Variants in C7orf33 observed in about 807,000 individuals in gnomAD.
C7orf33 encodes the protein uncharacterized protein C7orf33.
A neutral mutation model predicts 13.4 loss-of-function variants in C7orf33; 15 were observed. That is an observed-to-expected ratio of 1.12 (90% CI 0.75 to 1.72). The LOEUF (loss-of-function observed/expected upper bound fraction) is 1.72, where lower values mean the gene tolerates loss of function less well. Among genes scored for constraint, C7orf33 ranks in the 40% most tolerant of loss-of-function variants. C7orf33 has a pLI of 0.00. For missense variants in C7orf33, 187 were observed against 220.3 expected (o/e 0.85, Z 0.96); for synonymous variants, 73 against 83.2 (o/e 0.88, Z 0.67).
chr7:148,597,286 T>A (rs1421605079), intron 1 of C7orf33, among the ~76,000 whole-genome samples: 2 of 152,036 alleles, frequency 1.3e-5, no homozygotes, highest in Non-Finnish European at 2.9e-5. Flanking sequence ...TTATTTATTT[T>A]TATTTATTTT....
chr7:148,595,411 TCTATATTATATAG>T (rs1796320356), intron 1 of C7orf33, among the ~76,000 whole-genome samples: 1 of 115,690 alleles, frequency 8.6e-6, no homozygotes, highest in Admixed American at 9.2e-5. Flanking sequence ...ATAATATAGA[TCTATATTATATAG>T]ATATATCTAT....
At chr7:148,599,059 C>T (rs1405406160) in intron 1 of C7orf33, among the ~76,000 whole-genome samples, 1 of 151,784 alleles carries the variant, frequency 6.6e-6, no homozygotes, top group East Asian at 1.9e-4. Flanking sequence ...GATGGGGTTT[C>T]ACCATGTTGG....
intron 1 of C7orf33, among the ~76,000 whole-genome samples, chr7:148,593,474 AG>A (rs775104219): frequency 3.9e-5 from 6 of 152,052 alleles, no homozygotes; most frequent in Non-Finnish European, 7.3e-5. Flanking sequence ...CATGTTGGCC[AG>A]GCTGGTCTCG....
chr7:148,590,893 C>T lies in C7orf33; in HGVS notation c.-33C>T. ...GGTGGTGAAGCGCCGCTCTCCTTGA[C>T]AGCATCCAGGAAAGGTAATTACCTT... On this transcript the variant is annotated 5_prime_UTR_variant, in exon 1 of 3. Transcript: ENST00000307003. The T allele has an allele frequency of 6.3e-7, 1 of 1,584,032 alleles. No homozygotes were observed. The highest frequency in any genetic ancestry group is 8.7e-7 in the Non-Finnish European group (1 of 1,152,750).
intron 1 of C7orf33, among the ~76,000 whole-genome samples, chr7:148,599,826 G>C (rs1796392747): frequency 1.3e-5 from 2 of 152,130 alleles, no homozygotes; most frequent in South Asian, 4.1e-4. Flanking sequence ...GCTGTGGAGA[G>C]CTGGCCCTTG....
At chr7:148,609,355 G>A (rs1234276413) in intron 1 of C7orf33, among the ~76,000 whole-genome samples, 1 of 152,154 alleles carries the variant, frequency 6.6e-6, no homozygotes, top group Non-Finnish European at 1.5e-5. Context: ...AGTTGAAGAG[G>A]AAAACAATGG....
chr7:148,601,337 G>A (rs1376170633), intron 1 of C7orf33, among the ~76,000 whole-genome samples: 1 of 151,820 alleles, frequency 6.6e-6, no homozygotes, highest in Non-Finnish European at 1.5e-5. Context: ...CCAAATAAGT[G>A]AGCTTTTAAA....
intron 1 of C7orf33, among the ~76,000 whole-genome samples, chr7:148,595,469 G>GCTATTATATATTATATATACTATAGATCT (rs1441825850): frequency 8.3e-6 from 1 of 120,880 alleles, no homozygotes; most frequent in African/African-American, 3.7e-5. Flanking sequence ...CTATATATAT[G>GCTATTATATATTATATATACTATAGATCT]CTATTATATA....
intron 1 of C7orf33, among the ~76,000 whole-genome samples, chr7:148,593,870 A>C (rs1004473151): frequency 3.3e-5 from 5 of 152,006 alleles, no homozygotes; most frequent in African/African-American, 1.2e-4. Context: ...TGTGATCCCT[A>C]GTGTTGGAGG....
At chr7:148,603,093 C>A (rs533290154) in intron 1 of C7orf33, among the ~76,000 whole-genome samples, 2 of 152,230 alleles carry the variant, frequency 1.3e-5, no homozygotes, top group East Asian at 3.9e-4. Flanking sequence ...AATAAAGATA[C>A]AAAATCAGCA....
chr7:148,602,914 C>T (rs867492128), intron 1 of C7orf33, among the ~76,000 whole-genome samples: 16 of 152,314 alleles, frequency 1.1e-4, no homozygotes, highest in Middle Eastern at 3.4e-3. Context: ...AAGAGTCATC[C>T]TTTCCAGATT....
At chr7:148,610,170 G>C (rs1409468326) in intron 1 of C7orf33, among the ~76,000 whole-genome samples, 2 of 152,212 alleles carry the variant, frequency 1.3e-5, no homozygotes, top group Non-Finnish European at 2.9e-5. Flanking sequence ...TGATCCACAA[G>C]TAAGACTTCT....
At chr7:148,597,917 G>T (rs749688336) in intron 1 of C7orf33, among the ~76,000 whole-genome samples, 1 of 152,028 alleles carries the variant, frequency 6.6e-6, no homozygotes, top group African/African-American at 2.4e-5. Flanking sequence ...CACCATGCCC[G>T]GCTAATTTTT....
chr7:148,590,819 G>A lies in C7orf33; in HGVS notation c.-107G>A. On this transcript the variant is annotated 5_prime_UTR_variant, in exon 1 of 3. It removes the in-frame stop codon of an upstream open reading frame in the 5' UTR. Coordinates refer to ENST00000307003, the MANE Select transcript of C7orf33 (RefSeq NM_145304.4). ...GGAGCGAGGCGCCCAGCCTGTGTCTGAATCCTCCTACTGACCCTGGGGATC... is the reference window on the plus strand; with the variant it reads ...GGAGCGAGGCGCCCAGCCTGTGTCTAAATCCTCCTACTGACCCTGGGGATC... 1 of 1,029,708 alleles carries A rather than the reference G, an allele frequency of 9.7e-7. No homozygotes were observed. Among genetic ancestry groups the A allele is most frequent in the Non-Finnish European group, 1.5e-6 (1 of 670,626 alleles). The allele number at this position is 1,029,708 out of a possible 1,614,324, so 63.8% of individuals were successfully genotyped here.
chr7:148,597,991 G>A (rs530492040), intron 1 of C7orf33, among the ~76,000 whole-genome samples: 3 of 152,150 alleles, frequency 2.0e-5, no homozygotes, highest in Non-Finnish European at 4.4e-5. Flanking sequence ...TCCTGACCTA[G>A]TGATCCTCCC....
intron 1 of C7orf33, among the ~76,000 whole-genome samples, chr7:148,595,084 T>G (rs1796313076): frequency 6.6e-6 from 1 of 151,876 alleles, no homozygotes; most frequent in South Asian, 2.1e-4. Context: ...GGTCAGGTTT[T>G]CTTTTGTTTG....
At chr7:148,595,502 T>TTA (rs1185402147) in intron 1 of C7orf33, among the ~76,000 whole-genome samples, 12 of 131,684 alleles carry the variant, frequency 9.1e-5, no homozygotes, top group Admixed American at 4.9e-4. Flanking sequence ...TAGATCTATA[T>TTA]TATATATTAT....
intron 1 of C7orf33, among the ~76,000 whole-genome samples, chr7:148,603,582 C>G (rs1796440406): frequency 6.6e-6 from 1 of 152,078 alleles, no homozygotes; most frequent in South Asian, 2.1e-4. Context: ...GACAGCACTG[C>G]TTCTGAGTGA....
chr7:148,603,982 A>G (rs1241507690), intron 1 of C7orf33, among the ~76,000 whole-genome samples: 1 of 152,226 alleles, frequency 6.6e-6, no homozygotes, highest in Non-Finnish European at 1.5e-5. Context: ...TTGCAAAAAT[A>G]CAGAACCAAA....
Sources: gnomAD v4.1 joint callset for allele counts (sites outside exome capture counted in the v4.1 genomes callset) on GRCh38, gnomAD v4.1.1 for gene constraint, MANE v1.5 for transcripts, NCBI Gene and HGNC (gene_info 2026-07-23, HGNC 2026-07-21) for gene names.